The following FRAS1 variants were observed in gnomAD, a reference collection of about 807,000 sequenced individuals.
FRAS1 encodes the protein extracellular matrix organizing protein FRAS1.
Under a neutral mutation model 435.2 loss-of-function variants are expected in FRAS1, and 290 were observed. The ratio of observed to expected loss-of-function variants is 0.67; its 90% CI spans 0.61 to 0.73. The LOEUF is 0.73. FRAS1 is among the 30% of genes least tolerant of loss of function. FRAS1 has a pLI of 0.00. For missense variants in FRAS1, 4,860 were observed against 5,001.5 expected, an observed-to-expected ratio of 0.97 and a Z score of 0.85; for synonymous variants, 1,800 against 1,851.0, an observed-to-expected ratio of 0.97 and a Z score of 0.71.
rs1237261229 is a variant in FRAS1, at chr4:78,487,404, CCCACGTCCCCCA to C, written c.8753-1470_8753-1459del. Among the ~76,000 whole-genome samples, 3 of 152,152 alleles carry C rather than the reference CCCACGTCCCCCA, an allele frequency of 2.0e-5. No individual in the cohort carries two copies. In the East Asian group the frequency reaches 5.8e-4, roughly 29 times the overall value. On this transcript the variant is annotated intron_variant, in intron 58 of 73. Transcript: ENST00000512123. ...TGCTTATCACCCCTCCTCTCATTCC[CCCACGTCCCCCA>C]ATCCCCAAACACACACCTTTCCTTC... is the stretch of plus-strand genomic sequence containing the variant.
intron 2 of FRAS1, among the ~76,000 whole-genome samples, chr4:78,195,703 CT>C (rs965157793): frequency 1.1e-4 from 16 of 152,198 alleles, no homozygotes; most frequent in African/African-American, 3.6e-4. Flanking sequence ...AGGGATTCCC[CT>C]GACCCCTTGC....
At chr4:78,215,961 G>A (rs1454701009) in intron 2 of FRAS1, among the ~76,000 whole-genome samples, 3 of 152,156 alleles carry the variant, frequency 2.0e-5, no homozygotes, top group African/African-American at 2.4e-5. Context: ...CCCTATTCTG[G>A]AATTTAGTGC....
At chr4:78,213,856 C>T (rs1320864996) in intron 2 of FRAS1, among the ~76,000 whole-genome samples, 1 of 152,208 alleles carries the variant, frequency 6.6e-6, no homozygotes, top group East Asian at 1.9e-4. Context: ...TCTGTAACTT[C>T]CCAAGATCAA....
chr4:78,328,030 C>G (rs997144688), intron 18 of FRAS1, among the ~76,000 whole-genome samples: 5 of 152,194 alleles, frequency 3.3e-5, no homozygotes, highest in African/African-American at 1.2e-4. Context: ...TTAAACATTT[C>G]CAATGAAGTC....
At chr4:78,098,552 G>A (rs954007863) in intron 2 of FRAS1, among the ~76,000 whole-genome samples, 7 of 152,090 alleles carry the variant, frequency 4.6e-5, no homozygotes, top group African/African-American at 1.7e-4. Context: ...TGGGATTACA[G>A]GCGTGAACCA....
chr4:78,260,734 C>T (rs1313833959), intron 6 of FRAS1, among the ~76,000 whole-genome samples: 1 of 152,140 alleles, frequency 6.6e-6, no homozygotes, highest in African/African-American at 2.4e-5. Context: ...GAACTTCCAA[C>T]ACTATGTTGA....
Position 78,400,836 on chromosome 4 carries a change from G to A in FRAS1, c.4078G>A (p.Ala1360Thr). ...NRILQAEAPGASAEEIIYKIT... is the reference protein window; with the variant it reads ...NRILQAEAPGTSAEEIIYKIT... The stretch of plus-strand genomic sequence containing the variant: ...AATCTTACAGGCCGAGGCTCCTGGT[G>A]CCAGTGCTGAAGAAATCATCTACAA... The change falls in exon 30 of 74, where the codon GCC (alanine) becomes ACC (threonine). Residue 1360 changes from alanine to threonine, a missense_variant. Transcript: ENST00000512123. 2 of 1,613,710 alleles carry A rather than the reference G, an allele frequency of 1.2e-6. No homozygotes were observed. The highest frequency in any genetic ancestry group is 1.7e-6 in the Non-Finnish European group (2 of 1,179,764).
intron 7 of FRAS1, among the ~76,000 whole-genome samples, chr4:78,265,366 T>A (rs1043547044): frequency 3.9e-5 from 6 of 152,216 alleles, no homozygotes; most frequent in Non-Finnish European, 8.8e-5. Flanking sequence ...ACTGTTCACA[T>A]GTCTTGAGGG....
Position 78,521,645 on chromosome 4 carries a change from GT to G in FRAS1, c.10648+25del, listed in dbSNP as rs397994139. On this transcript the variant is annotated intron_variant, in intron 68 of 73. Transcript: ENST00000512123. ...CAAATTCAGAGGTAATATCAATGCC[GT>G]TTTTTTTTTCCAACTTTTTATTAAG... The G allele has an allele frequency of 0.46, 624,962 of 1,363,332 alleles. 132,868 individuals carry two copies. Among genetic ancestry groups the G allele is most frequent in the African/African-American group, 0.57 (38,453 of 67,566 alleles). The allele number at this position is 1,363,332 out of a possible 1,614,324, so 84.5% of individuals were successfully genotyped here. A position where few individuals can be genotyped will look rare whatever the true frequency, so the allele number is the denominator to read the frequency against.
Position 78,432,286 on chromosome 4 carries a change from C to T in FRAS1, c.4970-71C>T. The T allele has an allele frequency of 2.8e-6, 4 of 1,439,134 alleles. No individual in the cohort carries two copies. In the South Asian group the frequency reaches 6.3e-5, roughly 23 times the overall value. 89.1% of individuals were successfully genotyped at this position (1,439,134 alleles called of 1,614,324 possible). ...TATATGAACCTTAAAGTCCTGAAAA[C>T]AAAGGTGCTATATAATGAAAAGCAT... On this transcript the variant is annotated intron_variant, in intron 37 of 73. Transcript: ENST00000512123.
intron 3 of FRAS1, among the ~76,000 whole-genome samples, chr4:78,239,085 G>A (rs146699387): frequency 3.3e-3 from 498 of 152,218 alleles, no homozygotes; most frequent in Non-Finnish European, 5.3e-3. Context: ...TTGTATAGTT[G>A]CCATGTAGAC....
intron 2 of FRAS1, among the ~76,000 whole-genome samples, chr4:78,180,608 G>A (rs1721956980): frequency 6.6e-6 from 1 of 152,156 alleles, no homozygotes; most frequent in Non-Finnish European, 1.5e-5. Flanking sequence ...TATTCATGAA[G>A]AATGCATAAT....
chr4:78,271,749 A>G (rs979575412), intron 9 of FRAS1, among the ~76,000 whole-genome samples: 4 of 152,138 alleles, frequency 2.6e-5, no homozygotes, highest in East Asian at 3.9e-4. Context: ...AGTCTTTGCT[A>G]TTGTGAATAG....
chr4:78,320,082 T>C (rs41490051), intron 18 of FRAS1, among the ~76,000 whole-genome samples: 4,359 of 152,234 alleles, frequency 0.029, 219 homozygotes, highest in African/African-American at 0.096. Flanking sequence ...TGTACTCAGG[T>C]GTCCTGGAAC....
chr4:78,386,266 C>A (rs1482569942), intron 28 of FRAS1, among the ~76,000 whole-genome samples: 1 of 152,088 alleles, frequency 6.6e-6, no homozygotes, highest in East Asian at 1.9e-4. Context: ...TGTGACATTG[C>A]AATATGGTCT....
At chr4:78,288,164 A>G (rs1169426123) in intron 14 of FRAS1, among the ~76,000 whole-genome samples, 1 of 152,206 alleles carries the variant, frequency 6.6e-6, no homozygotes. Context: ...GTTACTTTAA[A>G]ACAGGTTCAA....
chr4:78,471,014 A>T (rs187549037), intron 51 of FRAS1, among the ~76,000 whole-genome samples: 1 of 152,194 alleles, frequency 6.6e-6, no homozygotes, highest in African/African-American at 2.4e-5. Flanking sequence ...CACTAGAAGA[A>T]GGGGAGGGTG....
chr4:78,340,491 C>T (rs752863890), intron 20 of FRAS1, among the ~76,000 whole-genome samples: 2 of 152,208 alleles, frequency 1.3e-5, no homozygotes, highest in Admixed American at 6.5e-5. Context: ...AATGCATTCA[C>T]TCATGTACAG....
intron 20 of FRAS1, among the ~76,000 whole-genome samples, chr4:78,360,209 G>A (rs912659072): frequency 6.6e-6 from 1 of 152,194 alleles, no homozygotes; most frequent in African/African-American, 2.4e-5. Flanking sequence ...AGTCAACAGT[G>A]CCTTGTGTTG....
Sources: gnomAD v4.1 joint callset for allele counts (sites outside exome capture counted in the v4.1 genomes callset) on GRCh38, gnomAD v4.1.1 for gene constraint, MANE v1.5 for transcripts, NCBI Gene and HGNC (gene_info 2026-07-23, HGNC 2026-07-21) for gene names.